The following NPR3 variants were observed in gnomAD, a reference collection of about 807,000 sequenced individuals.
NPR3 encodes natriuretic peptide receptor 3.
NPR3 carries 34 observed loss-of-function variants against 54.5 expected under a neutral mutation model. The observed-to-expected ratio is 0.62, with a 90% confidence interval of 0.47 to 0.83. The LOEUF is 0.83. NPR3 is among the 40% of genes least tolerant of loss of function. The pLI, the probability that NPR3 is intolerant of heterozygous loss-of-function variation, is 0.00. For missense variants in NPR3, 674 were observed against 720.8 expected (o/e 0.94, Z 0.74); for synonymous variants, 289 against 297.1 (o/e 0.97, Z 0.28).
chr5:32,725,246 G>A lies in NPR3; in HGVS notation c.892+426G>A, dbSNP rs3792761. Among the ~76,000 whole-genome samples, 93 of 152,080 alleles carry A rather than the reference G, an allele frequency of 6.1e-4. 1 individual carries two copies. The East Asian group carries it at 0.015, about 25-fold the overall frequency. The stretch of plus-strand genomic sequence containing the variant: ...ATGTAACAAATCTGCACATGTACCC[G>A]TTGTATCTAGAGTAAAAGTTAAAAT... On this transcript the variant is annotated intron_variant, in intron 2 of 7. Coordinates refer to ENST00000265074, the MANE Select transcript of NPR3 (RefSeq NM_001204375.2).
intron 1 of NPR3, among the ~76,000 whole-genome samples, chr5:32,718,253 T>C (rs756135902): frequency 1.1e-4 from 16 of 152,232 alleles, no homozygotes; most frequent in Non-Finnish European, 2.2e-4. Flanking sequence ...CCTTGTAGTA[T>C]AGTTTGAAGT....
At chr5:32,695,056 A>T (rs1346888077) in intron 1 of NPR3, among the ~76,000 whole-genome samples, 2 of 152,226 alleles carry the variant, frequency 1.3e-5, no homozygotes, top group African/African-American at 2.4e-5. Flanking sequence ...ATTATGGCTG[A>T]ATAGTAATCC....
intron 1 of NPR3, chr5:32,716,362 A>C: frequency 2.3e-6 from 1 of 437,328 alleles, no homozygotes; most frequent in South Asian, 1.6e-5. Context: ...TCTTAATAAC[A>C]TGCTACTTTT....
At chr5:32,773,545 C>T (rs3792749) in intron 3 of NPR3, among the ~76,000 whole-genome samples, 32,258 of 152,090 alleles carry the variant, frequency 0.21, 3,528 homozygotes, top group South Asian at 0.25. Flanking sequence ...CCAAAATACA[C>T]CAGGCTGTGA....
At chr5:32,755,185 A>G (rs2111993234) in intron 3 of NPR3, among the ~76,000 whole-genome samples, 1 of 152,310 alleles carries the variant, frequency 6.6e-6, no homozygotes, top group East Asian at 1.9e-4. Context: ...TTTGTTAGTC[A>G]ACAATTCTGT....
chr5:32,712,350 T>C lies in NPR3; in HGVS notation c.574T>C (p.Phe192Leu). 2 of 1,612,960 alleles carry C rather than the reference T, an allele frequency of 1.2e-6. No homozygotes were observed. Among genetic ancestry groups the C allele is most frequent in the Non-Finnish European group, 8.5e-7 (1 of 1,179,332 alleles). Residue 192 changes from phenylalanine to leucine, a missense_variant, in exon 1 of 8, where the codon TTC (phenylalanine) becomes CTC (leucine). Physicochemically the swap from Phe to Leu is conservative, Grantham distance 22. Coordinates refer to ENST00000265074, the MANE Select transcript of NPR3 (RefSeq NM_001204375.2). Reference protein sequence around the residue: ...AKMGEMMLALFRHHHWSRAAL... With the variant: ...AKMGEMMLALLRHHHWSRAAL... The stretch of plus-strand genomic sequence containing the variant: ...GATGGGCGAGATGATGCTCGCCCTG[T>C]TCCGCCACCACCACTGGAGCCGCGC...
chr5:32,740,336 T>C (rs538192738), intron 3 of NPR3, among the ~76,000 whole-genome samples: 103 of 152,372 alleles, frequency 6.8e-4, no homozygotes, highest in Admixed American at 1.4e-3. Flanking sequence ...ACGCTATCCC[T>C]GTCAGAAAGT....
intron 5 of NPR3, among the ~76,000 whole-genome samples, chr5:32,781,577 T>C (rs1300041674): frequency 6.6e-6 from 1 of 152,226 alleles, no homozygotes; most frequent in Non-Finnish European, 1.5e-5. Context: ...TTTGCCATTA[T>C]TTTTAATTAT....
intron 7 of NPR3, 66 bp from the exon 8 acceptor site, chr5:32,786,168 T>G (rs1265903622): frequency 1.4e-6 from 1 of 695,432 alleles, no homozygotes; most frequent in Middle Eastern, 2.4e-4. Flanking sequence ...AGGGCACTCT[T>G]TGTAAGAGAA....
intron 6 of NPR3, among the ~76,000 whole-genome samples, chr5:32,784,079 T>C (rs935695950): frequency 1.3e-5 from 2 of 152,240 alleles, no homozygotes; most frequent in African/African-American, 4.8e-5. Context: ...AAACAGAACA[T>C]TGACCCAATG....
intron 1 of NPR3, among the ~76,000 whole-genome samples, chr5:32,715,256 C>T (rs1010085168): frequency 1.3e-5 from 2 of 152,188 alleles, no homozygotes; most frequent in African/African-American, 4.8e-5. Context: ...ATGCAACTGA[C>T]AGTATTTTTG....
intron 3 of NPR3, among the ~76,000 whole-genome samples, chr5:32,757,904 T>G (rs1740932473): frequency 6.6e-6 from 1 of 152,214 alleles, no homozygotes; most frequent in Non-Finnish European, 1.5e-5. Context: ...GGATTACGTT[T>G]ATTGATTTGC....
In NPR3 at chr5:32,738,955, G is replaced by A. The variant is rs1739897303; in HGVS notation, c.984G>A (p.Val328=). The change falls in exon 3 of 8, where the codon GTG becomes GTA. Residue 328 remains valine, a synonymous_variant. Transcript: ENST00000265074. The stretch of plus-strand genomic sequence containing the variant: ...AGACAGTCACTCTACTGAGGACAGT[G>A]AAACCTGAGTTTGAGAAGTTTTCCA... ...SLQTVTLLRT[V]KPEFEKFSME... is the part of the protein sequence containing the mutation. 1 of 1,613,982 alleles carries A rather than the reference G, an allele frequency of 6.2e-7. No homozygotes were observed. The highest frequency in any genetic ancestry group is 8.5e-7 in the Non-Finnish European group (1 of 1,179,856).
intron 4 of NPR3, among the ~76,000 whole-genome samples, chr5:32,779,004 C>T (rs1742206229): frequency 6.6e-6 from 1 of 152,144 alleles, no homozygotes; most frequent in Admixed American, 6.5e-5. Context: ...CCCTTTGTAA[C>T]CAGTCTATTT....
intron 3 of NPR3, among the ~76,000 whole-genome samples, chr5:32,743,883 T>C (rs892104229): frequency 6.6e-6 from 1 of 152,100 alleles, no homozygotes; most frequent in Non-Finnish European, 1.5e-5. Context: ...AGTACATGTA[T>C]CTTATGACAG....
chr5:32,712,595 G>C (rs1479545165), intron 1 of NPR3, 50 bp downstream of exon 1: 9 of 1,484,480 alleles, frequency 6.1e-6, no homozygotes, highest in Non-Finnish European at 6.3e-6. Flanking sequence ...ACCGCTCTCC[G>C]CGGCTCTCCC....
chr5:32,762,626 C>T (rs1415800734), intron 3 of NPR3, among the ~76,000 whole-genome samples: 1 of 151,856 alleles, frequency 6.6e-6, no homozygotes, highest in Non-Finnish European at 1.5e-5. Flanking sequence ...CTGTCATATC[C>T]TTCTGTTTTT....
chr5:32,722,344 T>A (rs1326078118), intron 1 of NPR3, among the ~76,000 whole-genome samples: 1 of 152,190 alleles, frequency 6.6e-6, no homozygotes, highest in Non-Finnish European at 1.5e-5. Context: ...TCATCCTTAC[T>A]TGCATCCTAC....
At chr5:32,726,847 C>T (rs892666370) in intron 2 of NPR3, among the ~76,000 whole-genome samples, 2 of 152,108 alleles carry the variant, frequency 1.3e-5, no homozygotes, top group African/African-American at 4.8e-5. Context: ...TACATCCTGC[C>T]TATTTTATAA....
Sources: gnomAD v4.1 joint callset for allele counts (sites outside exome capture counted in the v4.1 genomes callset) on GRCh38, gnomAD v4.1.1 for gene constraint, MANE v1.5 for transcripts, NCBI Gene and HGNC (gene_info 2026-07-23, HGNC 2026-07-21) for gene names.